The following WNK2 variants were observed in gnomAD, a reference collection of about 807,000 sequenced individuals.
WNK2 encodes WNK lysine deficient protein kinase 2.
WNK2 carries 67 observed loss-of-function variants against 192.1 expected under a neutral mutation model. That is an observed-to-expected ratio of 0.35 (90% CI 0.29 to 0.43). The LOEUF is 0.43. Among genes scored for constraint, WNK2 ranks in the 20% least tolerant of loss-of-function variants. WNK2 has a pLI of 1.00. For synonymous variants in WNK2, 1,439 were observed against 1,393.9 expected, an observed-to-expected ratio of 1.03 and a Z score of -0.72; for missense variants, 2,698 against 3,089.7, an observed-to-expected ratio of 0.87 and a Z score of 3.01.
At chr9:93,243,210 C>T (rs1162923611) in intron 7 of WNK2, among the ~76,000 whole-genome samples, 3 of 152,184 alleles carry the variant, frequency 2.0e-5, no homozygotes. Context: ...CTGGGCCTTT[C>T]TAGCTGCTCC....
At position 93,252,980 on chromosome 9, in the gene WNK2, G is replaced by A. The variant is rs142740286; in HGVS notation, c.1932G>A (p.Ala644=). ...TGCTTGGCTCCCTTGCCGACGCAGC[G>A]CCGTCCCCGGCCCAGTGTGTGTGCA... is the stretch of plus-strand genomic sequence containing the variant. ...SVMLGSLADA[A]PSPAQCVCSP... The change falls in exon 9 of 30, where the codon GCG becomes GCA. Residue 644 remains alanine, a synonymous_variant. Transcript: ENST00000427277. The A allele has an allele frequency of 3.4e-5, 54 of 1,566,162 alleles. No individual in the cohort carries two copies. In the South Asian group the frequency reaches 3.6e-4, roughly 11 times the overall value.
chr9:93,234,995 A>G, intron 5 of WNK2, 30 bp downstream of exon 5: 1 of 1,613,098 alleles, frequency 6.2e-7, no homozygotes, highest in Non-Finnish European at 8.5e-7. Flanking sequence ...TGGTTAATTA[A>G]TAAGGACACA....
chr9:93,272,837 A>G (rs1489426185), intron 19 of WNK2, among the ~76,000 whole-genome samples: 1 of 152,092 alleles, frequency 6.6e-6, no homozygotes, highest in Non-Finnish European at 1.5e-5. Context: ...ACGAAAGCAA[A>G]CAGTAAAATG....
intron 19 of WNK2, among the ~76,000 whole-genome samples, chr9:93,286,731 T>C (rs1848494891): frequency 6.6e-6 from 1 of 152,224 alleles, no homozygotes; most frequent in African/African-American, 2.4e-5. Context: ...TGCAGCGTTA[T>C]TCACAATAGC....
rs763619550 is a variant in WNK2 at position 93,257,022 on chromosome 9, T to TC, written c.2272dup (p.His758ProfsTer166). 9 of 1,602,634 alleles carry TC rather than the reference T, an allele frequency of 5.6e-6. No individual in the cohort carries two copies. Among genetic ancestry groups the TC allele is most frequent in the Non-Finnish European group, 8.5e-7 (1 of 1,177,286 alleles). ...AGCCCGTGGTCCCCCTCCAGCCGGT[T>TC]CCCCCCCACCTGCCACCGTACCTGG... On this transcript the variant is annotated frameshift_variant, in exon 11 of 30. Coordinates refer to ENST00000427277, the MANE Select transcript of WNK2 (RefSeq NM_006648.4). LOFTEE classifies it high-confidence loss of function. This position sits in a 1 kb window ranked among gnomAD's most constrained non-coding sequence, Gnocchi z 4.7.
intron 2 of WNK2, among the ~76,000 whole-genome samples, chr9:93,221,507 G>T: frequency 6.6e-6 from 1 of 152,202 alleles, no homozygotes; most frequent in East Asian, 1.9e-4. Flanking sequence ...TGCTGGGCCT[G>T]CCTCCTTCTA....
chr9:93,261,886 G>A lies in WNK2; in HGVS notation c.3139G>A (p.Ala1047Thr). The A allele has an allele frequency of 1.2e-6, 2 of 1,602,610 alleles. No individual in the cohort carries two copies. Among genetic ancestry groups the A allele is most frequent in the South Asian group, 1.1e-5 (1 of 91,046 alleles). Residue 1047 changes from alanine (A) to threonine (T), a missense_variant, in exon 13 of 30, where the codon GCT (alanine) becomes ACT (threonine). By Grantham distance (58) the Ala-to-Thr change is moderately conservative. Coordinates refer to ENST00000427277, the MANE Select transcript of WNK2 (RefSeq NM_006648.4). The stretch of plus-strand genomic sequence containing the variant: ...GGTCCCCACCGTGCCTGTGCCACCG[G>A]CTGCGGTCCTCTCGCCGCCTCTGCC... ...AQVPTVPVPP[A>T]AVLSPPLPEV...
intron 2 of WNK2, among the ~76,000 whole-genome samples, chr9:93,202,325 C>CGTGTGTGT (rs761769543): frequency 0.069 from 8,972 of 130,372 alleles, 368 homozygotes; most frequent in Non-Finnish European, 0.09. Context: ...TCCGTGTGCA[C>CGTGTGTGT]GTGTGTGTGT....
intron 2 of WNK2, among the ~76,000 whole-genome samples, chr9:93,214,155 T>A (rs1835274521): frequency 6.6e-6 from 1 of 152,190 alleles, no homozygotes; most frequent in Admixed American, 6.5e-5. Flanking sequence ...TTCCCCTTTG[T>A]ATTCCATTTA....
At chr9:93,226,987 T>C (rs546469944) in intron 2 of WNK2, among the ~76,000 whole-genome samples, 2 of 151,944 alleles carry the variant, frequency 1.3e-5, no homozygotes, top group African/African-American at 4.8e-5. Context: ...GGGAGGGGAG[T>C]GGCTGGACAC....
intron 26 of WNK2, among the ~76,000 whole-genome samples, chr9:93,300,714 A>T (rs1259571854): frequency 6.6e-6 from 1 of 151,950 alleles, no homozygotes; most frequent in Admixed American, 6.6e-5. Flanking sequence ...AAATCCCAGC[A>T]CCCAGTACCC....
At chr9:93,317,412 C>G in intron 28 of WNK2, 108 bp from the exon 29 acceptor site, 1 of 1,054,094 alleles carries the variant, frequency 9.5e-7, no homozygotes, top group South Asian at 1.5e-5. Flanking sequence ...GGTTCCAGGA[C>G]TGCTGCCTCC....
intron 7 of WNK2, among the ~76,000 whole-genome samples, chr9:93,245,790 C>G (rs1324352566): frequency 6.6e-6 from 1 of 152,194 alleles, no homozygotes; most frequent in African/African-American, 2.4e-5. Flanking sequence ...TGCCCTGGCT[C>G]CAGCCTTAGA....
At chr9:93,262,521 C>A in intron 13 of WNK2, 149 bp from the exon 14 acceptor site, 1 of 828,866 alleles carries the variant, frequency 1.2e-6, no homozygotes, top group Non-Finnish European at 2.0e-6. Flanking sequence ...CTGGGTCGTA[C>A]CCACCTGGCT....
At chr9:93,281,999 A>G (rs1389288053) in intron 19 of WNK2, among the ~76,000 whole-genome samples, 2 of 152,162 alleles carry the variant, frequency 1.3e-5, no homozygotes, top group Non-Finnish European at 1.5e-5. Context: ...CAGAAGAACA[A>G]TGACTGCAGA....
At chr9:93,315,106 C>T (rs531043945) in intron 28 of WNK2, among the ~76,000 whole-genome samples, 2 of 152,302 alleles carry the variant, frequency 1.3e-5, no homozygotes, top group East Asian at 3.9e-4. Flanking sequence ...ACTTGGTCTT[C>T]AGGACCATAC....
At chr9:93,296,518 TCC>T (rs1171106459) in intron 23 of WNK2, among the ~76,000 whole-genome samples, 1 of 30,646 alleles carries the variant, frequency 3.3e-5, no homozygotes, top group Non-Finnish European at 6.1e-5. Flanking sequence ...CTCACCTTCC[TCC>T]CCTTGGCCTC....
chr9:93,262,879 C>T (rs1844525929), intron 14 of WNK2, among the ~76,000 whole-genome samples, 160 bp downstream of exon 14: 1 of 152,126 alleles, frequency 6.6e-6, no homozygotes, highest in South Asian at 2.1e-4. Flanking sequence ...GCCTCAGGGC[C>T]CTCCTCTCTG....
At chr9:93,208,475 G>T (rs563788569) in intron 2 of WNK2, among the ~76,000 whole-genome samples, 1 of 152,280 alleles carries the variant, frequency 6.6e-6, no homozygotes, top group Non-Finnish European at 1.5e-5. Context: ...TTCTCCATGT[G>T]CATGTGTTCT....
Sources: allele counts gnomAD v4.1 joint callset (sites outside exome capture counted in the v4.1 genomes callset), GRCh38; gene constraint gnomAD v4.1.1; non-coding constraint Gnocchi (gnomAD v3.1); transcripts MANE v1.5; gene names NCBI Gene and HGNC (gene_info 2026-07-23, HGNC 2026-07-21).